Variants in PHLPP1 observed in about 807,000 individuals in gnomAD.
PHLPP1 encodes the protein PH domain and leucine rich repeat protein phosphatase 1.
A neutral mutation model predicts 117.2 loss-of-function variants in PHLPP1; 42 were observed. That is an observed-to-expected ratio of 0.36 (90% confidence interval 0.28 to 0.46). PHLPP1 has a LOEUF of 0.46. PHLPP1 is among the 20% of genes least tolerant of loss of function. PHLPP1 has a pLI of 1.00. For missense variants in PHLPP1, 2,084 were observed against 2,241.9 expected (o/e 0.93, Z 1.42); for synonymous variants, 1,042 against 970.7 (o/e 1.07, Z -1.37).
chr18:62,850,212 A>G (rs1483563869), intron 3 of PHLPP1, among the ~76,000 whole-genome samples: 2 of 151,748 alleles, frequency 1.3e-5, no homozygotes, highest in Non-Finnish European at 2.9e-5. Context: ...ACATGGTGAA[A>G]CCCTGTCTCT....
chr18:62,756,846 A>C (rs1029226704), intron 1 of PHLPP1, among the ~76,000 whole-genome samples: 1 of 152,192 alleles, frequency 6.6e-6, no homozygotes, highest in Admixed American at 6.5e-5. Context: ...TTTCTCCTGA[A>C]GCACATGGCT....
At chr18:62,912,520 C>G (rs536707818) in intron 8 of PHLPP1, among the ~76,000 whole-genome samples, 40 of 152,112 alleles carry the variant, frequency 2.6e-4, no homozygotes, top group African/African-American at 9.2e-4. Context: ...CCCCAGCAAC[C>G]CCAAATGTTA....
At chr18:62,974,488 G>A (rs1456615610) in intron 15 of PHLPP1, among the ~76,000 whole-genome samples, 2 of 152,144 alleles carry the variant, frequency 1.3e-5, no homozygotes, top group Admixed American at 6.5e-5. Flanking sequence ...AAAACGGGAG[G>A]CTGTTTTTCT....
intron 1 of PHLPP1, among the ~76,000 whole-genome samples, chr18:62,809,735 T>C (rs1283436609): frequency 1.3e-5 from 2 of 152,076 alleles, no homozygotes; most frequent in African/African-American, 2.4e-5. Flanking sequence ...TCTCAGTATG[T>C]CTTACAACTC....
intron 1 of PHLPP1, among the ~76,000 whole-genome samples, chr18:62,813,940 G>T (rs2144314153): frequency 6.6e-6 from 1 of 151,976 alleles, no homozygotes; most frequent in African/African-American, 2.4e-5. Context: ...GTTTATGTGA[G>T]AATTTTCTTT....
At chr18:62,914,656 G>A (rs571100924) in intron 8 of PHLPP1, among the ~76,000 whole-genome samples, 2 of 152,240 alleles carry the variant, frequency 1.3e-5, no homozygotes, top group South Asian at 4.1e-4. Context: ...GGCTGATCTC[G>A]AACTCTTGGG....
At chr18:62,826,640 A>C (rs1405024314) in intron 1 of PHLPP1, among the ~76,000 whole-genome samples, 1 of 152,188 alleles carries the variant, frequency 6.6e-6, no homozygotes, top group Non-Finnish European at 1.5e-5. Flanking sequence ...TCTTTAAAAA[A>C]ACAATTTTAC....
chr18:62,799,147 A>G (rs1913707206), intron 1 of PHLPP1, among the ~76,000 whole-genome samples: 1 of 152,204 alleles, frequency 6.6e-6, no homozygotes, highest in South Asian at 2.1e-4. Context: ...ATCTTGGATA[A>G]TCACTCATAA....
intron 1 of PHLPP1, among the ~76,000 whole-genome samples, chr18:62,721,556 C>T (rs1199180843): frequency 1.3e-5 from 2 of 151,788 alleles, no homozygotes; most frequent in Non-Finnish European, 2.9e-5. Flanking sequence ...ATTAAAAAAT[C>T]GAGTTGTCTT....
chr18:62,935,614 C>T (rs1293684631), intron 10 of PHLPP1, among the ~76,000 whole-genome samples: 1 of 152,160 alleles, frequency 6.6e-6, no homozygotes, highest in Non-Finnish European at 1.5e-5. Flanking sequence ...ACAAACCTTA[C>T]CAGACAGCTA....
chr18:62,838,999 T>C lies in PHLPP1; in HGVS notation c.1899+90T>C, dbSNP rs185960010. 119 of 1,357,292 alleles carry C rather than the reference T, an allele frequency of 8.8e-5. 2 individuals carry two copies. The African/African-American group carries it at 1.5e-3, about 17-fold the overall frequency. 84.1% of individuals were successfully genotyped at this position (1,357,292 alleles called of 1,614,324 possible). On this transcript the variant is annotated intron_variant, in intron 3 of 16. Coordinates refer to ENST00000262719, the MANE Select transcript of PHLPP1 (RefSeq NM_194449.4). ...TTAGCTGGGTCTAAAATATGGTTAG[T>C]TACACACACTTTTTTTTTCCTCCCC...
chr18:62,937,274 G>A (rs563094904), intron 10 of PHLPP1, among the ~76,000 whole-genome samples: 3 of 152,320 alleles, frequency 2.0e-5, no homozygotes, highest in African/African-American at 7.2e-5. Flanking sequence ...CTGTTGTTGC[G>A]GGTGACTTTC....
chr18:62,948,546 A>AT (rs1910363615), intron 12 of PHLPP1, among the ~76,000 whole-genome samples: 1 of 151,264 alleles, frequency 6.6e-6, no homozygotes, highest in Non-Finnish European at 1.5e-5. Flanking sequence ...AATGGTTTCC[A>AT]TTTTTTTGCT....
intron 14 of PHLPP1, among the ~76,000 whole-genome samples, chr18:62,969,055 T>G (rs969966493): frequency 6.6e-5 from 10 of 152,076 alleles, no homozygotes; most frequent in African/African-American, 1.2e-4. Context: ...ATGGGTTTTT[T>G]GGGTTTTTTT....
At chr18:62,968,381 T>G (rs1357179305) in intron 14 of PHLPP1, among the ~76,000 whole-genome samples, 5 of 151,884 alleles carry the variant, frequency 3.3e-5, no homozygotes, top group African/African-American at 4.8e-5. Flanking sequence ...CTGTTCTGGG[T>G]TTTTTTTAAC....
At chr18:62,863,360 C>T (rs1226712039) in intron 4 of PHLPP1, among the ~76,000 whole-genome samples, 12 of 152,104 alleles carry the variant, frequency 7.9e-5, no homozygotes, top group Non-Finnish European at 1.5e-4. Flanking sequence ...ACCACCACCA[C>T]GCACAGCTAG....
rs1910694921 is a variant in PHLPP1 at position 62,715,674 on chromosome 18, C to A, written c.-10C>A. On this transcript the variant is annotated 5_prime_UTR_variant, in exon 1 of 17. Transcript: ENST00000262719. ...CCGGAGCTGGGGGGGAAACGCGAAGCCCCACTGCAATGGAGCCCGCCGCCG... is the reference window on the plus strand; with the variant it reads ...CCGGAGCTGGGGGGGAAACGCGAAGACCCACTGCAATGGAGCCCGCCGCCG... 1 of 1,283,022 alleles carries A rather than the reference C, an allele frequency of 7.8e-7. No homozygotes were observed. Among genetic ancestry groups the A allele is most frequent in the Non-Finnish European group, 9.9e-7 (1 of 1,013,768 alleles). 79.5% of individuals were successfully genotyped at this position (1,283,022 alleles called of 1,614,324 possible).
intron 1 of PHLPP1, among the ~76,000 whole-genome samples, chr18:62,795,133 T>C (rs1209563675): frequency 1.3e-5 from 2 of 152,142 alleles, no homozygotes; most frequent in Non-Finnish European, 2.9e-5. Flanking sequence ...TAGGTCTTTG[T>C]TGCATATTCT....
intron 1 of PHLPP1, chr18:62,731,237 A>G (rs1462372246): frequency 6.6e-6 from 1 of 152,090 alleles, no homozygotes; most frequent in Admixed American, 6.5e-5. Context: ...AAAATAGGGA[A>G]CGTTTCATGA....
Sources: allele counts gnomAD v4.1 joint callset (sites outside exome capture counted in the v4.1 genomes callset), GRCh38; gene constraint gnomAD v4.1.1; transcripts MANE v1.5; gene names NCBI Gene and HGNC (gene_info 2026-07-23, HGNC 2026-07-21).